DPP10: variants seen among roughly 807,000 people sequenced by gnomAD.
DPP10 encodes the protein dipeptidyl peptidase like 10.
DPP10 carries 33 observed loss-of-function variants against 120.9 expected under a neutral mutation model. The observed-to-expected ratio is 0.27, with a 90% confidence interval of 0.21 to 0.37. DPP10 has a LOEUF of 0.37. DPP10 is among the 10% of genes least tolerant of loss of function. The pLI, the probability that DPP10 is intolerant of heterozygous loss-of-function variation, is 1.00. For missense variants in DPP10, 816 were observed against 942.8 expected, an observed-to-expected ratio of 0.87 and a Z score of 1.76; for synonymous variants, 337 against 326.1, an observed-to-expected ratio of 1.03 and a Z score of -0.36.
At chr2:115,452,016 A>G (rs1166128799) in intron 3 of DPP10, among the ~76,000 whole-genome samples, 1 of 151,886 alleles carries the variant, frequency 6.6e-6, no homozygotes, top group Non-Finnish European at 1.5e-5. Context: ...CTTACTTGTC[A>G]ACAGATGGGA....
intron 17 of DPP10, among the ~76,000 whole-genome samples, chr2:115,788,216 TA>T (rs1168564859): frequency 6.6e-6 from 1 of 152,076 alleles, no homozygotes; most frequent in Non-Finnish European, 1.5e-5. Context: ...ACTTATTATA[TA>T]AAAATAAAAA....
chr2:114,932,252 C>A (rs1262964586), intron 1 of DPP10, among the ~76,000 whole-genome samples: 1 of 152,200 alleles, frequency 6.6e-6, no homozygotes, highest in Non-Finnish European at 1.5e-5. Context: ...CACACATTTG[C>A]AGAACATCTA....
intron 3 of DPP10, among the ~76,000 whole-genome samples, chr2:115,387,836 G>A (rs1281229440): frequency 2.0e-5 from 3 of 152,064 alleles, no homozygotes; most frequent in Admixed American, 1.3e-4. Context: ...TGGAGCTCAC[G>A]TTATAATTGA....
intron 1 of DPP10, among the ~76,000 whole-genome samples, chr2:115,244,354 G>A (rs1467333429): frequency 6.7e-6 from 1 of 150,260 alleles, no homozygotes; most frequent in East Asian, 2.0e-4. Flanking sequence ...AATTGCTATA[G>A]TTAAGCCATA....
intron 11 of DPP10, 87 bp from the exon 12 acceptor site, chr2:115,762,485 A>T (rs1470198265): frequency 7.1e-7 from 1 of 1,404,962 alleles, no homozygotes; most frequent in African/African-American, 1.4e-5. Context: ...GGGAAAAAAA[A>T]CTGATAACCG....
chr2:115,779,241 T>G (rs1240291752), intron 15 of DPP10, among the ~76,000 whole-genome samples: 1 of 152,096 alleles, frequency 6.6e-6, no homozygotes, highest in African/African-American at 2.4e-5. Context: ...GGCAGAACAG[T>G]CAATGTATCT....
chr2:114,783,068 C>A (rs1682468851), intron 1 of DPP10, among the ~76,000 whole-genome samples: 2 of 151,976 alleles, frequency 1.3e-5, no homozygotes, highest in African/African-American at 4.8e-5. Flanking sequence ...AAAAATATCT[C>A]TGAACAAAGT....
At chr2:115,084,590 G>T (rs899539117) in intron 1 of DPP10, among the ~76,000 whole-genome samples, 1 of 152,200 alleles carries the variant, frequency 6.6e-6, no homozygotes, top group Admixed American at 6.5e-5. Context: ...AGCTGTTTTT[G>T]TGTTCTTGAA....
chr2:114,799,771 G>C (rs1684035405), intron 1 of DPP10, among the ~76,000 whole-genome samples: 1 of 152,190 alleles, frequency 6.6e-6, no homozygotes, highest in Admixed American at 6.5e-5. Flanking sequence ...CTAAGAAGTA[G>C]CTTTAAAATA....
At chr2:115,779,675 G>A (rs1447742370) in intron 15 of DPP10, among the ~76,000 whole-genome samples, 1 of 151,880 alleles carries the variant, frequency 6.6e-6, no homozygotes, top group East Asian at 1.9e-4. Context: ...GCTTTTCTGT[G>A]GTGAAAATTG....
chr2:114,858,695 A>C (rs1689559878), intron 1 of DPP10, among the ~76,000 whole-genome samples: 1 of 152,204 alleles, frequency 6.6e-6, no homozygotes, highest in Non-Finnish European at 1.5e-5. Flanking sequence ...GTTGAGTTCC[A>C]GTTAGATTTT....
chr2:115,662,439 T>A (rs997418807), intron 5 of DPP10, among the ~76,000 whole-genome samples: 12 of 151,950 alleles, frequency 7.9e-5, no homozygotes, highest in Admixed American at 3.3e-4. Flanking sequence ...TTTTTATTTT[T>A]TTTTTTTAGC....
At chr2:114,690,893 C>T (rs981818969) in intron 1 of DPP10, among the ~76,000 whole-genome samples, 2 of 151,966 alleles carry the variant, frequency 1.3e-5, no homozygotes, top group Non-Finnish European at 2.9e-5. Flanking sequence ...CATAGGAATG[C>T]TAGCAATTTT....
At chr2:115,195,584 C>A (rs2055199447) in intron 1 of DPP10, among the ~76,000 whole-genome samples, 1 of 152,106 alleles carries the variant, frequency 6.6e-6, no homozygotes, top group Admixed American at 6.5e-5. Flanking sequence ...ACTATATGTA[C>A]CCAGAAATTA....
At chr2:115,834,703 T>G (rs903583512) in intron 21 of DPP10, among the ~76,000 whole-genome samples, 1 of 152,192 alleles carries the variant, frequency 6.6e-6, no homozygotes, top group African/African-American at 2.4e-5. Context: ...TTTCCAAAAC[T>G]TAGTTGTGTG....
At chr2:115,633,391 T>G (rs528598773) in intron 5 of DPP10, among the ~76,000 whole-genome samples, 12 of 152,050 alleles carry the variant, frequency 7.9e-5, no homozygotes, top group South Asian at 2.1e-4. Context: ...TGAGAACACT[T>G]GGACACAGGG....
chr2:114,868,343 T>G (rs1237675980), intron 1 of DPP10, among the ~76,000 whole-genome samples: 1 of 147,748 alleles, frequency 6.8e-6, no homozygotes. Flanking sequence ...TAGAACTTTT[T>G]GGGACCATTA....
At position 115,732,345 on chromosome 2, in the gene DPP10, C is replaced by T. The variant is rs76540460; in HGVS notation, c.697+4409C>T. 2.7e-3 allele frequency among the ~76,000 whole-genome samples: 414 copies of T among 152,166 alleles called. 5 individuals carry two copies. The highest frequency in any genetic ancestry group is 8.7e-3 in the South Asian group (42 of 4,816). ...CCAATCTGTAAGAGTGGCTGCTGCC[C>T]CCAACTAGTCACTAAATAGAGTCCT... On this transcript the variant is annotated intron_variant, in intron 8 of 25. Transcript: ENST00000410059.
intron 1 of DPP10, among the ~76,000 whole-genome samples, chr2:115,103,155 TCTC>T (rs2048778417): frequency 2.0e-5 from 3 of 151,964 alleles, no homozygotes; most frequent in Admixed American, 1.3e-4. Context: ...GTTGGGTTAT[TCTC>T]CTTCAGACAA....
Sources: gnomAD v4.1 joint callset for allele counts (sites outside exome capture counted in the v4.1 genomes callset) on GRCh38, gnomAD v4.1.1 for gene constraint, MANE v1.5 for transcripts, NCBI Gene and HGNC (gene_info 2026-07-23, HGNC 2026-07-21) for gene names.